RYR2: variants seen among roughly 807,000 people sequenced by gnomAD.
RYR2 encodes the protein cardiac muscle ryanodine receptor-calcium release channel.
Under a neutral mutation model 601.1 loss-of-function variants are expected in RYR2, and 227 were observed. That is an observed-to-expected ratio of 0.38 (90% CI 0.34 to 0.42). RYR2 has a LOEUF of 0.42. Among genes scored for constraint, RYR2 ranks in the 10% least tolerant of loss-of-function variants. The probability of loss-of-function intolerance (pLI) is 1.00; values close to 1 mark genes in which losing one functional copy is unlikely to be tolerated. For missense variants in RYR2, 4,646 were observed against 6,156.5 expected (o/e 0.75, Z 8.21); for synonymous variants, 2,223 against 2,175.1 (o/e 1.02, Z -0.61).
At chr1:237,778,197 C>T (rs1370429872) in intron 87 of RYR2, among the ~76,000 whole-genome samples, 1 of 152,032 alleles carries the variant, frequency 6.6e-6, no homozygotes, top group African/African-American at 2.4e-5. Flanking sequence ...ATTAAGAAAA[C>T]GTTGAAGAGG....
chr1:237,565,214 T>C (rs1572895536), intron 27 of RYR2, among the ~76,000 whole-genome samples: 1 of 136,828 alleles, frequency 7.3e-6, no homozygotes, highest in Admixed American at 7.5e-5. Context: ...TTTCTTTCTT[T>C]CTTTCTTTCT....
intron 1 of RYR2, among the ~76,000 whole-genome samples, chr1:237,075,028 C>T (rs1262403227): frequency 1.3e-5 from 2 of 152,090 alleles, no homozygotes; most frequent in African/African-American, 4.8e-5. Context: ...GGGAGTCACC[C>T]CATGTTTAGG....
At chr1:237,374,674 G>C (rs755688058) in intron 6 of RYR2, 43 bp from the exon 7 acceptor site, 1 of 1,519,670 alleles carries the variant, frequency 6.6e-7, no homozygotes, top group Non-Finnish European at 9.0e-7. Context: ...AACAACAGAC[G>C]AACAAAACCT....
intron 76 of RYR2, among the ~76,000 whole-genome samples, 196 bp downstream of exon 76, chr1:237,727,395 A>G (rs1412255930): frequency 6.6e-6 from 1 of 152,140 alleles, no homozygotes; most frequent in African/African-American, 2.4e-5. Context: ...TAATTATTAA[A>G]TGACTCTTAC....
intron 17 of RYR2, among the ~76,000 whole-genome samples, chr1:237,485,601 G>A (rs1317895758): frequency 1.3e-5 from 2 of 152,126 alleles, no homozygotes; most frequent in African/African-American, 4.8e-5. Context: ...ATTTAGATCT[G>A]AGAATAACAT....
intron 101 of RYR2, among the ~76,000 whole-genome samples, chr1:237,820,324 A>C (rs752354009): frequency 5.3e-5 from 8 of 152,070 alleles, no homozygotes; most frequent in Non-Finnish European, 8.8e-5. Flanking sequence ...TGAGGTACCC[A>C]GTTCATCTCA....
intron 12 of RYR2, among the ~76,000 whole-genome samples, chr1:237,435,885 A>G (rs1707304226): frequency 6.6e-6 from 1 of 152,264 alleles, no homozygotes; most frequent in Non-Finnish European, 1.5e-5. Flanking sequence ...GGTTTGCTTA[A>G]TGAGATTGTG....
intron 10 of RYR2, among the ~76,000 whole-genome samples, chr1:237,390,493 G>A (rs953171797): frequency 2.4e-4 from 36 of 150,146 alleles, no homozygotes; most frequent in Non-Finnish European, 5.3e-4. Flanking sequence ...GATGCATATT[G>A]AGAAATCAAC....
chr1:237,074,909 G>C (rs1360390347), intron 1 of RYR2, among the ~76,000 whole-genome samples: 1 of 152,310 alleles, frequency 6.6e-6, no homozygotes, highest in East Asian at 1.9e-4. Flanking sequence ...GCTGGTGTAT[G>C]TCTAGGTAGA....
intron 101 of RYR2, among the ~76,000 whole-genome samples, chr1:237,822,308 A>G (rs1662601254): frequency 6.6e-6 from 1 of 152,250 alleles, no homozygotes; most frequent in Admixed American, 6.5e-5. Context: ...AAAGGGAAGC[A>G]CATCAGACTA....
chr1:237,754,572 T>C (rs1393823305), intron 80 of RYR2, among the ~76,000 whole-genome samples: 1 of 152,170 alleles, frequency 6.6e-6, no homozygotes, highest in Non-Finnish European at 1.5e-5. Context: ...TTGATGAAAA[T>C]GATAGGACAG....
intron 2 of RYR2, among the ~76,000 whole-genome samples, chr1:237,272,456 C>T (rs111718518): frequency 0.011 from 1,624 of 151,830 alleles, 32 homozygotes; most frequent in African/African-American, 0.035. Flanking sequence ...TCTCTTCTCC[C>T]TAAGAGTATA....
chr1:237,765,614 CTT>C (rs1693789784), intron 84 of RYR2, among the ~76,000 whole-genome samples: 1 of 152,120 alleles, frequency 6.6e-6, no homozygotes, highest in South Asian at 2.1e-4. Context: ...TTTTGATACT[CTT>C]GATTGCTTAA....
chr1:237,316,813 A>G lies in RYR2; in HGVS notation c.169-14065A>G, dbSNP rs1193091230. 2.6e-5 allele frequency among the ~76,000 whole-genome samples: 4 copies of G among 152,196 alleles called. No individual in the cohort carries two copies. The South Asian group carries it at 8.3e-4, about 31-fold the overall frequency. Reference sequence around the variant, plus strand: ...TTGCTTCTTTCCTGGGACTATTATTATAAGAGACAGAGGTCTGATCATCTT... The same window carrying G: ...TTGCTTCTTTCCTGGGACTATTATTGTAAGAGACAGAGGTCTGATCATCTT... On this transcript the variant is annotated intron_variant, in intron 2 of 104. Coordinates refer to ENST00000366574, the MANE Select transcript of RYR2 (RefSeq NM_001035.3).
intron 63 of RYR2, among the ~76,000 whole-genome samples, chr1:237,692,588 T>G (rs1687043811): frequency 6.6e-6 from 1 of 152,154 alleles, no homozygotes. Context: ...CTTCTTCAGC[T>G]TCCTTGGCCT....
At chr1:237,611,081 T>G (rs907864966) in intron 36 of RYR2, 93 bp downstream of exon 36, 1 of 1,019,328 alleles carries the variant, frequency 9.8e-7, no homozygotes, top group Non-Finnish European at 1.4e-6. Flanking sequence ...GCAGGGGTGG[T>G]TCTAAAGAAA....
chr1:237,466,060 C>T (rs1163299028), intron 16 of RYR2, among the ~76,000 whole-genome samples: 3 of 152,124 alleles, frequency 2.0e-5, no homozygotes, highest in African/African-American at 7.2e-5. Flanking sequence ...TCTATTGCAT[C>T]AGTTTTAGTG....
At chr1:237,589,698 A>C in intron 29 of RYR2, 95 bp from the exon 30 acceptor site, 1 of 1,219,658 alleles carries the variant, frequency 8.2e-7, no homozygotes, top group Non-Finnish European at 1.2e-6. Context: ...GACAGCTCTC[A>C]CAAAGTTCGG....
At chr1:237,641,688 C>T (rs760716350) in intron 47 of RYR2, among the ~76,000 whole-genome samples, 2 of 152,002 alleles carry the variant, frequency 1.3e-5, no homozygotes, top group Non-Finnish European at 2.9e-5. Flanking sequence ...ACTACAGGCA[C>T]ATGCCACCAC....
Sources: gnomAD v4.1 joint callset for allele counts (sites outside exome capture counted in the v4.1 genomes callset) on GRCh38, gnomAD v4.1.1 for gene constraint, MANE v1.5 for transcripts, NCBI Gene and HGNC (gene_info 2026-07-23, HGNC 2026-07-21) for gene names.